RNF185: variants seen among roughly 807,000 people sequenced by gnomAD.
RNF185 encodes E3 ubiquitin-protein ligase RNF185.
A neutral mutation model predicts 24.9 loss-of-function variants in RNF185; 13 were observed. That is an observed-to-expected ratio of 0.52 (90% confidence interval 0.34 to 0.83). The LOEUF is 0.83. Ranked by LOEUF, RNF185 falls within the 40% of genes least tolerant of loss-of-function variation. The pLI, the probability that RNF185 is intolerant of heterozygous loss-of-function variation, is 0.01. For synonymous variants in RNF185, 79 were observed against 90.3 expected (o/e 0.88, Z 0.71); for missense variants, 184 against 244.7 (o/e 0.75, Z 1.65).
intron 6 of RNF185, 84 bp from the exon 7 acceptor site, chr22:31,204,405 G>A: frequency 1.3e-6 from 1 of 795,572 alleles, no homozygotes; most frequent in Non-Finnish European, 2.3e-6. Context: ...GATAAAGATT[G>A]ATGCTGTCAA....
chr22:31,164,169 G>C (rs1413271726), intron 1 of RNF185, among the ~76,000 whole-genome samples: 1 of 149,682 alleles, frequency 6.7e-6, no homozygotes, highest in East Asian at 2.0e-4. Flanking sequence ...TTTAGTAGAG[G>C]TGGGTTTCAC....
chr22:31,187,032 TTC>T lies in RNF185; in HGVS notation c.-48-11_-48-10del. 1 of 1,535,392 alleles carries T rather than the reference TTC, an allele frequency of 6.5e-7. No homozygotes were observed. Among genetic ancestry groups the T allele is most frequent in the Non-Finnish European group, 8.8e-7 (1 of 1,137,758 alleles). On this transcript the variant is annotated splice_polypyrimidine_tract_variant and intron_variant, in intron 1 of 6. Coordinates refer to ENST00000326132, the MANE Select transcript of RNF185 (RefSeq NM_152267.4). ...GGCTGCAGAAATGGACAGTCAAGAG[TTC>T]TCTGCCTTTTAGGATTTCCCTGGGG...
intron 3 of RNF185, 22 bp from the exon 4 acceptor site, chr22:31,195,447 C>A (rs1390857560): frequency 1.3e-6 from 2 of 1,545,638 alleles, no homozygotes; most frequent in Admixed American, 3.7e-5. Flanking sequence ...CATCCACATG[C>A]ATTTTTCTCT....
At chr22:31,168,028 T>C (rs1018361711) in intron 1 of RNF185, among the ~76,000 whole-genome samples, 4 of 152,238 alleles carry the variant, frequency 2.6e-5, no homozygotes, top group African/African-American at 9.6e-5. Flanking sequence ...CACCACCATC[T>C]ACCTCCAGAA....
At position 31,194,456 on chromosome 22, in the gene RNF185, G is replaced by A. The variant is rs71331279; in HGVS notation, c.196-1013G>A. On this transcript the variant is annotated intron_variant, in intron 3 of 6. Transcript: ENST00000326132. ...TATAAAAATGAGAAATTGGCCGGGC[G>A]CGGTGGCTCATGCCTGTGATCCCAG... Among the ~76,000 whole-genome samples the A allele has an allele frequency of 1.1e-3, 174 of 152,230 alleles. 1 individual carries two copies. Among genetic ancestry groups the A allele is most frequent in the Admixed American group, 2.5e-3 (39 of 15,298 alleles).
At position 31,171,156 on chromosome 22, in the gene RNF185, C is replaced by CTTACTTATTTATTTATTTATTTATTTAT; in HGVS notation, c.-49+10856_-49+10857insCTTATTTATTTATTTATTTATTTATTTA. Among the ~76,000 whole-genome samples, 3 of 143,234 alleles carry CTTACTTATTTATTTATTTATTTATTTAT rather than the reference C, an allele frequency of 2.1e-5. No individual in the cohort carries two copies. In the East Asian group the frequency reaches 6.1e-4, roughly 29 times the overall value. 94.0% of individuals were successfully genotyped at this position (143,234 alleles called of 152,430 possible). On this transcript the variant is annotated intron_variant, in intron 1 of 6. Transcript: ENST00000326132. ...AGGAACCAGGACCTTCTCTGATTTACTTATTTATTTATTTATTTATTTATT... is the reference window on the plus strand; with the variant it reads ...AGGAACCAGGACCTTCTCTGATTTACTTACTTATTTATTTATTTATTTATTTATTTATTTATTTATTTATTTATTTATT...
intron 1 of RNF185, among the ~76,000 whole-genome samples, chr22:31,172,058 T>A (rs919919469): frequency 6.6e-6 from 1 of 152,246 alleles, no homozygotes; most frequent in East Asian, 1.9e-4. Flanking sequence ...ATTGGTTAGA[T>A]CTTGTCAAAC....
At chr22:31,184,090 C>T (rs1455708892) in intron 1 of RNF185, among the ~76,000 whole-genome samples, 1 of 151,194 alleles carries the variant, frequency 6.6e-6, no homozygotes, top group Non-Finnish European at 1.5e-5. Flanking sequence ...GGGCGGCTGG[C>T]CGGGCGGGGG....
intron 1 of RNF185, 66 bp from the exon 2 acceptor site, chr22:31,186,981 T>G: frequency 9.0e-7 from 1 of 1,105,578 alleles, no homozygotes; most frequent in Non-Finnish European, 1.3e-6. Context: ...AAGACAGGAA[T>G]GTTGGCATGG....
rs113173858 is a variant in RNF185 at position 31,201,443 on chromosome 22, G to A, written c.364-55G>A. ...CGTGAGGTATGTTGAGTTTTGACAG[G>A]CACAGGAGAAACCTGCCTGATTCTC... On this transcript the variant is annotated intron_variant, in intron 5 of 6. Transcript: ENST00000326132. The A allele has an allele frequency of 8.2e-4, 1,057 of 1,290,970 alleles. 7 individuals carry two copies. The African/African-American group carries it at 0.013, about 16-fold the overall frequency. 80.0% of individuals were successfully genotyped at this position (1,290,970 alleles called of 1,614,324 possible).
chr22:31,170,877 G>T lies in RNF185; in HGVS notation c.-49+10574G>T, dbSNP rs192880807. On this transcript the variant is annotated intron_variant, in intron 1 of 6. Transcript: ENST00000326132. ...AGGTCTTTGTATGCTGCCCAGGCTG[G>T]TCTCAAACTCTTGTCCTCAAGCAAT... 3.6e-3 allele frequency among the ~76,000 whole-genome samples: 549 copies of T among 152,038 alleles called. 4 individuals are homozygous for T. Among genetic ancestry groups the T allele is most frequent in the African/African-American group, 0.012 (485 of 41,472 alleles).
At chr22:31,189,594 GC>G (rs1054298991) in intron 2 of RNF185, among the ~76,000 whole-genome samples, 46 of 148,192 alleles carry the variant, frequency 3.1e-4, no homozygotes, top group African/African-American at 1.1e-3. Context: ...ACCATGCCTG[GC>G]CCTGTGTCAA....
intron 1 of RNF185, among the ~76,000 whole-genome samples, chr22:31,173,768 G>C (rs1038697000): frequency 2.6e-5 from 4 of 152,168 alleles, no homozygotes; most frequent in Non-Finnish European, 5.9e-5. Context: ...ATAGTGATAA[G>C]AAATATAACA....
chr22:31,160,639 A>C (rs2147910976), intron 1 of RNF185, among the ~76,000 whole-genome samples: 1 of 152,006 alleles, frequency 6.6e-6, no homozygotes, highest in Admixed American at 6.5e-5. Flanking sequence ...CTGAGTGGAG[A>C]AGCAGAGGCC....
chr22:31,161,036 C>T (rs1276586802), intron 1 of RNF185, among the ~76,000 whole-genome samples: 1 of 152,168 alleles, frequency 6.6e-6, no homozygotes, highest in South Asian at 2.1e-4. Flanking sequence ...GAATGGTTAG[C>T]TCAGTAAAGA....
At chr22:31,195,346 G>A in intron 3 of RNF185, 123 bp from the exon 4 acceptor site, 1 of 595,628 alleles carries the variant, frequency 1.7e-6, no homozygotes, top group Non-Finnish European at 3.0e-6. Flanking sequence ...TCCTTGAGAT[G>A]TTCCCTGCTC....
At chr22:31,179,704 A>G (rs918912626) in intron 1 of RNF185, among the ~76,000 whole-genome samples, 2 of 152,192 alleles carry the variant, frequency 1.3e-5, no homozygotes, top group Non-Finnish European at 2.9e-5. Flanking sequence ...GCAAACTCTG[A>G]GCTGACCTGT....
At chr22:31,197,676 T>G (rs2048219482) in intron 5 of RNF185, among the ~76,000 whole-genome samples, 1 of 152,206 alleles carries the variant, frequency 6.6e-6, no homozygotes, top group Non-Finnish European at 1.5e-5. Context: ...GCCTCCCATG[T>G]AGCTGGGACC....
intron 1 of RNF185, among the ~76,000 whole-genome samples, chr22:31,172,816 G>A (rs1321509771): frequency 1.3e-5 from 2 of 151,848 alleles, no homozygotes; most frequent in African/African-American, 4.8e-5. Flanking sequence ...GGGATGGCTG[G>A]AACAATTATT....
Sources: gnomAD v4.1 joint callset for allele counts (sites outside exome capture counted in the v4.1 genomes callset) on GRCh38, gnomAD v4.1.1 for gene constraint, MANE v1.5 for transcripts, NCBI Gene and HGNC (gene_info 2026-07-23, HGNC 2026-07-21) for gene names.